CCDC190: variants seen among roughly 807,000 people sequenced by gnomAD.
CCDC190 encodes coiled-coil domain containing 190.
A neutral mutation model predicts 13.1 loss-of-function variants in CCDC190; 10 were observed. The observed-to-expected ratio is 0.77, with a 90% confidence interval of 0.47 to 1.30. The LOEUF is 1.30. Ranked by LOEUF, CCDC190 falls within the 50% of genes most tolerant of loss-of-function variation. The pLI is 0.00. For missense variants in CCDC190, 375 were observed against 354.3 expected (o/e 1.06, Z -0.47); for synonymous variants, 136 against 127.2 (o/e 1.07, Z -0.47).
chr1:162,860,266 C>G (rs1003170379), intron 1 of CCDC190, among the ~76,000 whole-genome samples: 2 of 152,128 alleles, frequency 1.3e-5, no homozygotes, highest in African/African-American at 4.8e-5. Context: ...ATTGGGGTAT[C>G]CTGATTATAA....
rs1050025532 is a variant in CCDC190 at position 162,851,796 on chromosome 1, A to G, written c.*2969T>C. ...AAATGTTTCCTCAAAATTGAAGTATAAATTATCCCTTCTAACCATGTGTTA... is the reference window on the plus strand; with the variant it reads ...AAATGTTTCCTCAAAATTGAAGTATGAATTATCCCTTCTAACCATGTGTTA... On this transcript the variant is annotated 3_prime_UTR_variant, in exon 4 of 4. Coordinates refer to ENST00000367912, the MANE Select transcript of CCDC190 (RefSeq NM_001394065.1). The G allele has an allele frequency of 3.3e-5, 5 of 152,224 alleles. No individual in the cohort carries two copies. The highest frequency in any genetic ancestry group is 9.6e-5 in the African/African-American group (4 of 41,464). 9.4% of individuals were successfully genotyped at this position (152,224 alleles called of 1,614,324 possible).
At chr1:162,861,192 C>T (rs943685640), upstream of CCDC190, among the ~76,000 whole-genome samples, 7 of 146,468 alleles carry the variant, frequency 4.8e-5, no homozygotes, top group East Asian at 2.0e-4. Context: ...AAGCTCTCTT[C>T]GTCCCTCCCT....
At chr1:162,868,405 T>C (rs1406844864) in intron 1 of CCDC190, among the ~76,000 whole-genome samples, 1 of 103,136 alleles carries the variant, frequency 9.7e-6, no homozygotes, top group Non-Finnish European at 2.3e-5. Context: ...ACATTAACAT[T>C]ATACTTTCAT....
At chr1:162,860,114 C>A (rs1472396699) in intron 1 of CCDC190, among the ~76,000 whole-genome samples, 2 of 152,122 alleles carry the variant, frequency 1.3e-5, no homozygotes, top group East Asian at 3.9e-4. Flanking sequence ...CTTCCCACAC[C>A]CTGCCAGTTC....
chr1:162,865,981 A>G (rs1434906719), upstream of CCDC190, among the ~76,000 whole-genome samples: 1 of 152,208 alleles, frequency 6.6e-6, no homozygotes, highest in African/African-American at 2.4e-5. Flanking sequence ...TGGAGAAAAT[A>G]GTAAGGCACT....
intron 1 of CCDC190, 50 bp from the exon 2 acceptor site, chr1:162,859,708 T>C (rs1167620211): frequency 6.8e-7 from 1 of 1,464,032 alleles, no homozygotes. Flanking sequence ...AAGACTGGGA[T>C]ACTGACCCCG....
At chr1:162,861,823 C>T (rs1018409593), upstream of CCDC190, among the ~76,000 whole-genome samples, 7 of 152,218 alleles carry the variant, frequency 4.6e-5, no homozygotes, top group East Asian at 3.9e-4. Flanking sequence ...GAAAATAAGA[C>T]GCACTGATAT....
In CCDC190 at chr1:162,854,437, A is replaced by C. The variant is rs574037214; in HGVS notation, c.*328T>G. 1.2e-4 allele frequency: 133 copies of C among 1,065,210 alleles called. No individual in the cohort carries two copies. The highest frequency in any genetic ancestry group is 1.5e-4 in the Non-Finnish European group (128 of 879,964). The allele number at this position is 1,065,210 out of a possible 1,614,324, so 66.0% of individuals were successfully genotyped here. A position where few individuals can be genotyped will look rare whatever the true frequency, so the allele number is the denominator to read the frequency against. ...TTTGCCAGCAGGTGGCACCATGAGA[A>C]TCTCCTAGAGGAAACAGGAAGTCCC... On this transcript the variant is annotated 3_prime_UTR_variant, in exon 4 of 4. Coordinates refer to ENST00000367912, the MANE Select transcript of CCDC190 (RefSeq NM_001394065.1).
chr1:162,868,140 TAG>T (rs1442725296), intron 1 of CCDC190, among the ~76,000 whole-genome samples: 1 of 152,128 alleles, frequency 6.6e-6, no homozygotes, highest in Non-Finnish European at 1.5e-5. Context: ...AAACAAAAAA[TAG>T]AGTTTGTCTC....
chr1:162,854,397 GA>G lies in CCDC190; in HGVS notation c.*367del. ...ACTATATATCAAACTAAAACAGAGA[GA>G]ATAGCTATGCCGTTTTGCCAGCAGG... On this transcript the variant is annotated 3_prime_UTR_variant, in exon 4 of 4. Coordinates refer to ENST00000367912, the MANE Select transcript of CCDC190 (RefSeq NM_001394065.1). The G allele has an allele frequency of 9.6e-7, 1 of 1,036,946 alleles. No individual in the cohort carries two copies. Among genetic ancestry groups the G allele is most frequent in the African/African-American group, 1.7e-5 (1 of 58,862 alleles). 64.2% of individuals were successfully genotyped at this position (1,036,946 alleles called of 1,614,324 possible).
intron 2 of CCDC190, among the ~76,000 whole-genome samples, chr1:162,858,654 C>T (rs1170401438): frequency 2.0e-5 from 3 of 152,228 alleles, no homozygotes; most frequent in African/African-American, 7.2e-5. Flanking sequence ...AGTTCTGGCA[C>T]TCTCCTTCAG....
At chr1:162,856,024 G>A (rs1650290534) in intron 2 of CCDC190, 1 of 267,572 alleles carries the variant, frequency 3.7e-6, no homozygotes, top group Non-Finnish European at 7.1e-6. Context: ...AAGCCAAGGA[G>A]AGAGGCCTGA....
intron 2 of CCDC190, among the ~76,000 whole-genome samples, chr1:162,857,035 G>C (rs905283168): frequency 9.2e-5 from 14 of 152,094 alleles, no homozygotes. Context: ...GTGAAGGTAT[G>C]GTACTTCTGC....
rs1650176245 is a variant in CCDC190 at position 162,853,303 on chromosome 1, ACCACTCTT to A, written c.*1454_*1461del. 2 of 576,234 alleles carry A rather than the reference ACCACTCTT, an allele frequency of 3.5e-6. No individual in the cohort carries two copies. The allele number at this position is 576,234 out of a possible 1,614,324, so 35.7% of individuals were successfully genotyped here. ...GTCTGCCATCTATTAGCAAGTTACC[ACCACTCTT>A]CCCTCTATTTCCTTATCTGTAAAAT... On this transcript the variant is annotated 3_prime_UTR_variant, in exon 4 of 4. Coordinates refer to ENST00000367912, the MANE Select transcript of CCDC190 (RefSeq NM_001394065.1).
upstream of CCDC190, among the ~76,000 whole-genome samples, chr1:162,864,605 G>T (rs1408474884): frequency 2.6e-5 from 4 of 152,056 alleles, no homozygotes; most frequent in African/African-American, 9.7e-5. Flanking sequence ...TACAAAATTC[G>T]AGTGAGAATA....
rs761324948 is a variant in CCDC190, at chr1:162,855,155, C to T, written c.516G>A (p.Lys172=). The change falls in exon 4 of 4, where the codon AAG becomes AAA. Residue 172 remains lysine (K), a synonymous_variant. Coordinates refer to ENST00000367912, the MANE Select transcript of CCDC190 (RefSeq NM_001394065.1). ...VNPSKDVDPS[K]GISVPCQNQE... ...GATTTTGGCATGGAACAGAGATGCC[C>T]TTGCTGGGGTCTACGTCCTTAGATG... 9.3e-6 allele frequency: 15 copies of T among 1,613,820 alleles called. No homozygotes were observed. Among genetic ancestry groups the T allele is most frequent in the Non-Finnish European group, 1.3e-5 (15 of 1,179,880 alleles).
At position 162,859,668 on chromosome 1, in the gene CCDC190, A is replaced by G; in HGVS notation, c.-12-10T>C. 2 of 1,599,690 alleles carry G rather than the reference A, an allele frequency of 1.3e-6. No individual in the cohort carries two copies. Among genetic ancestry groups the G allele is most frequent in the Non-Finnish European group, 8.5e-7 (1 of 1,173,790 alleles). On this transcript the variant is annotated splice_polypyrimidine_tract_variant and intron_variant, in intron 1 of 3. Coordinates refer to ENST00000367912, the MANE Select transcript of CCDC190 (RefSeq NM_001394065.1). ...CCATCTTCTTTATGGTCTAGAGACAATAAGGTATCACAAATAACCTGATAA... is the reference window on the plus strand; with the variant it reads ...CCATCTTCTTTATGGTCTAGAGACAGTAAGGTATCACAAATAACCTGATAA...
intron 2 of CCDC190, among the ~76,000 whole-genome samples, chr1:162,858,537 T>C (rs1650389844): frequency 6.6e-6 from 1 of 152,184 alleles, no homozygotes; most frequent in Non-Finnish European, 1.5e-5. Flanking sequence ...TGGCTGTTAC[T>C]CTTGGCCTTT....
chr1:162,860,364 A>G (rs915992908), intron 1 of CCDC190, among the ~76,000 whole-genome samples: 1 of 152,126 alleles, frequency 6.6e-6, no homozygotes, highest in Non-Finnish European at 1.5e-5. Flanking sequence ...ATCCTCACCC[A>G]TCTTCTCAGA....
Sources: gnomAD v4.1 joint callset for allele counts (sites outside exome capture counted in the v4.1 genomes callset) on GRCh38, gnomAD v4.1.1 for gene constraint, MANE v1.5 for transcripts, NCBI Gene and HGNC (gene_info 2026-07-23, HGNC 2026-07-21) for gene names.